Variants in TAFA2 observed in about 807,000 individuals in gnomAD.
TAFA2 encodes TAFA chemokine like family member 2, also known as chemokine-like protein TAFA-2.
TAFA2 carries 7 observed loss-of-function variants against 18.8 expected under a neutral mutation model. The ratio of observed to expected loss-of-function variants is 0.37; its 90% confidence interval spans 0.21 to 0.70. The LOEUF is 0.70. TAFA2 is among the 30% of genes least tolerant of loss of function. The probability of loss-of-function intolerance (pLI) is 0.53; values close to 1 mark genes in which losing one functional copy is unlikely to be tolerated. For synonymous variants in TAFA2, 60 were observed against 54.2 expected (o/e 1.11, Z -0.47); for missense variants, 122 against 158.1 (o/e 0.77, Z 1.23).
intron 2 of TAFA2, among the ~76,000 whole-genome samples, chr12:61,760,887 A>T (rs79469790): frequency 3.3e-5 from 5 of 151,514 alleles, no homozygotes; most frequent in African/African-American, 1.2e-4. Flanking sequence ...AAAAAAAAAA[A>T]TTCTGAAATT....
At chr12:61,761,336 T>C in intron 2 of TAFA2, among the ~76,000 whole-genome samples, 1 of 152,050 alleles carries the variant, frequency 6.6e-6, no homozygotes, top group East Asian at 1.9e-4. Context: ...ATAATATTCA[T>C]TGCATTATAT....
At chr12:61,944,013 AC>A (rs1226469310) in intron 1 of TAFA2, among the ~76,000 whole-genome samples, 8 of 133,742 alleles carry the variant, frequency 6.0e-5, no homozygotes, top group African/African-American at 2.1e-4. Context: ...TTTTTTCAGC[AC>A]CACACCACAC....
intron 1 of TAFA2, among the ~76,000 whole-genome samples, chr12:62,063,555 TAG>T (rs1355655048): frequency 6.6e-6 from 1 of 152,164 alleles, no homozygotes; most frequent in African/African-American, 2.4e-5. Flanking sequence ...GCACCTTTGA[TAG>T]AAAGGCAGAT....
intron 4 of TAFA2, among the ~76,000 whole-genome samples, chr12:61,714,490 C>A (rs1251594317): frequency 1.3e-5 from 2 of 152,130 alleles, no homozygotes; most frequent in Non-Finnish European, 2.9e-5. Flanking sequence ...GATCAAGGCA[C>A]CCACTTATCA....
At chr12:62,149,413 C>T (rs1251012224) in intron 1 of TAFA2, among the ~76,000 whole-genome samples, 1 of 151,812 alleles carries the variant, frequency 6.6e-6, no homozygotes, top group Admixed American at 6.6e-5. Context: ...TGAGGCTCTC[C>T]TTGCTCTCTC....
chr12:62,101,035 A>C (rs1293186096), intron 1 of TAFA2, among the ~76,000 whole-genome samples: 1 of 152,160 alleles, frequency 6.6e-6, no homozygotes, highest in African/African-American at 2.4e-5. Context: ...ACTTGCAGAC[A>C]CTTCAGATAT....
chr12:62,150,057 T>C (rs1031187240), intron 1 of TAFA2, among the ~76,000 whole-genome samples: 4 of 152,220 alleles, frequency 2.6e-5, no homozygotes, highest in Admixed American at 6.5e-5. Context: ...AAATTTAGTG[T>C]TTAAGCAGCA....
chr12:62,177,790 G>T, intron 1 of TAFA2, among the ~76,000 whole-genome samples: 1 of 152,000 alleles, frequency 6.6e-6, no homozygotes, highest in South Asian at 2.1e-4. Flanking sequence ...CACATATTCA[G>T]TCTCCAAGAC....
chr12:61,822,967 T>C (rs899576739), intron 2 of TAFA2, among the ~76,000 whole-genome samples: 3 of 152,196 alleles, frequency 2.0e-5, no homozygotes, highest in Non-Finnish European at 1.5e-5. Flanking sequence ...TTGATTATTT[T>C]GACTGCTCAT....
intron 1 of TAFA2, among the ~76,000 whole-genome samples, chr12:62,042,526 C>T (rs1156389216): frequency 6.6e-6 from 1 of 151,616 alleles, no homozygotes; most frequent in East Asian, 1.9e-4. Context: ...TGGAATAGAG[C>T]CTTGCCCTGA....
rs141668691 is a variant in TAFA2, at chr12:61,858,324, A to G, written c.106+8996T>C. On this transcript the variant is annotated intron_variant, in intron 2 of 4. Transcript: ENST00000416284. ...TTTAAACTGCCCTACCACGATTGCA[A>G]TTTTCCTGACTGGATGTTGAATGAC... Among the ~76,000 whole-genome samples, 669 of 152,106 alleles carry G rather than the reference A, an allele frequency of 4.4e-3. 4 individuals carry two copies. Among genetic ancestry groups the G allele is most frequent in the Middle Eastern group, 0.017 (5 of 294 alleles).
chr12:62,149,726 G>T (rs978261032), intron 1 of TAFA2, among the ~76,000 whole-genome samples: 2 of 151,678 alleles, frequency 1.3e-5, no homozygotes, highest in African/African-American at 4.8e-5. Context: ...CATTTTTAAG[G>T]TTCATTCTTC....
At chr12:62,067,623 G>A (rs964559842) in intron 1 of TAFA2, among the ~76,000 whole-genome samples, 3 of 151,986 alleles carry the variant, frequency 2.0e-5, no homozygotes, top group African/African-American at 7.2e-5. Context: ...TGAGTTCACT[G>A]TAGATGTATG....
chr12:62,128,121 T>C lies in TAFA2; in HGVS notation c.-2+63138A>G, dbSNP rs1353825438. 2.0e-5 allele frequency among the ~76,000 whole-genome samples: 3 copies of C among 152,046 alleles called. No individual in the cohort carries two copies. In the East Asian group the frequency reaches 5.8e-4, roughly 29 times the overall value. Reference sequence around the variant, plus strand: ...GATTAAGGTGCCTGAGTAAAATTCTTTTACTTCTATCTCAGCAGTTTGTTC... The same window carrying C: ...GATTAAGGTGCCTGAGTAAAATTCTCTTACTTCTATCTCAGCAGTTTGTTC... On this transcript the variant is annotated intron_variant, in intron 1 of 4. Transcript: ENST00000416284.
chr12:62,156,993 C>A (rs1388156281), intron 1 of TAFA2, among the ~76,000 whole-genome samples: 1 of 152,026 alleles, frequency 6.6e-6, no homozygotes, highest in South Asian at 2.1e-4. Flanking sequence ...ACATTATTTG[C>A]CTTGGATGAC....
chr12:62,066,361 A>T (rs348651), intron 1 of TAFA2, among the ~76,000 whole-genome samples: 103,122 of 151,682 alleles, frequency 0.68, 35,372 homozygotes, highest in African/African-American at 0.75. Context: ...CCATCCACCC[A>T]GTTGTGCTAA....
At chr12:61,927,863 T>C (rs1877372911) in intron 1 of TAFA2, among the ~76,000 whole-genome samples, 1 of 152,150 alleles carries the variant, frequency 6.6e-6, no homozygotes, top group South Asian at 2.1e-4. Context: ...ACCACACATC[T>C]ACAACCATCT....
At chr12:62,146,337 G>T (rs1410385638) in intron 1 of TAFA2, among the ~76,000 whole-genome samples, 1 of 143,658 alleles carries the variant, frequency 7.0e-6, no homozygotes, top group Non-Finnish European at 1.5e-5. Flanking sequence ...AGGCTGGAGT[G>T]CAGTGGCACA....
chr12:61,955,651 A>ATATG (rs1555178815), intron 1 of TAFA2, among the ~76,000 whole-genome samples: 3 of 88,904 alleles, frequency 3.4e-5, no homozygotes, highest in African/African-American at 1.1e-4. Flanking sequence ...ATATATATAT[A>ATATG]TATATATATA....
Sources: gnomAD v4.1 joint callset for allele counts (sites outside exome capture counted in the v4.1 genomes callset) on GRCh38, gnomAD v4.1.1 for gene constraint, MANE v1.5 for transcripts, NCBI Gene and HGNC (gene_info 2026-07-23, HGNC 2026-07-21) for gene names.